Variants in ANKRD33B observed in about 807,000 individuals in gnomAD.
The protein encoded by ANKRD33B is ankyrin repeat domain-containing protein 33B.
Under a neutral mutation model 21.5 loss-of-function variants are expected in ANKRD33B, and 6 were observed. The ratio of observed to expected loss-of-function variants is 0.28; its 90% CI spans 0.15 to 0.55. The LOEUF is 0.55. ANKRD33B is among the 20% of genes least tolerant of loss of function. The pLI, the probability that ANKRD33B is intolerant of heterozygous loss-of-function variation, is 0.94. For missense variants in ANKRD33B, 698 were observed against 747.2 expected, an observed-to-expected ratio of 0.93 and a Z score of 0.77; for synonymous variants, 347 against 342.4, an observed-to-expected ratio of 1.01 and a Z score of -0.15.
intron 2 of ANKRD33B, among the ~76,000 whole-genome samples, chr5:10,621,844 A>G (rs1463706503): frequency 6.6e-6 from 1 of 152,202 alleles, no homozygotes; most frequent in Non-Finnish European, 1.5e-5. Context: ...CCAACTCCCA[A>G]TGTGATGCAT....
Position 10,571,454 on chromosome 5 carries a change from A to G in ANKRD33B, c.366+6621A>G, listed in dbSNP as rs555838306. On this transcript the variant is annotated intron_variant, in intron 1 of 3. Transcript: ENST00000296657. ...TGACCTCAGGTGATTCACCCACCTC[A>G]GCCTCCCAAAGCGCTGGGATTACAG... Among the ~76,000 whole-genome samples the G allele has an allele frequency of 2.4e-4, 37 of 152,196 alleles. 1 individual carries two copies. The East Asian group carries it at 5.2e-3, about 21-fold the overall frequency.
At chr5:10,566,620 G>A (rs1370515373) in intron 1 of ANKRD33B, among the ~76,000 whole-genome samples, 5 of 152,208 alleles carry the variant, frequency 3.3e-5, no homozygotes, top group Admixed American at 6.5e-5. Context: ...TCCTTTAGGG[G>A]CAAAACATAA....
At chr5:10,593,233 C>A (rs55689405) in intron 1 of ANKRD33B, among the ~76,000 whole-genome samples, 54,015 of 151,884 alleles carry the variant, frequency 0.36, 11,037 homozygotes, top group East Asian at 0.6. Context: ...TAATAGGACT[C>A]TCTTTTTTTC....
intron 1 of ANKRD33B, among the ~76,000 whole-genome samples, chr5:10,587,540 C>T: frequency 6.8e-6 from 1 of 146,884 alleles, no homozygotes. Flanking sequence ...TATTATTCTT[C>T]TGATACAATT....
intron 3 of ANKRD33B, among the ~76,000 whole-genome samples, chr5:10,638,465 A>G (rs958950199): frequency 6.6e-6 from 1 of 152,198 alleles, no homozygotes; most frequent in Non-Finnish European, 1.5e-5. Context: ...AGTCCTGTCC[A>G]TATCTGTTCC....
intron 1 of ANKRD33B, among the ~76,000 whole-genome samples, chr5:10,600,026 A>C (rs1735898513): frequency 6.6e-6 from 1 of 152,238 alleles, no homozygotes; most frequent in African/African-American, 2.4e-5. Context: ...TGTGTTTTAA[A>C]TGGTAGCCAT....
At chr5:10,610,414 A>G (rs1174546521) in intron 1 of ANKRD33B, among the ~76,000 whole-genome samples, 1 of 148,026 alleles carries the variant, frequency 6.8e-6, no homozygotes, top group East Asian at 1.9e-4. Context: ...CCCCCCCCGA[A>G]TAAAGAATTA....
At chr5:10,641,134 A>G (rs1737045034) in intron 3 of ANKRD33B, among the ~76,000 whole-genome samples, 1 of 151,466 alleles carries the variant, frequency 6.6e-6, no homozygotes, top group Admixed American at 6.6e-5. Context: ...CAGTGCTTCC[A>G]TTAATGTCAC....
intron 3 of ANKRD33B, 97 bp from the exon 4 acceptor site, chr5:10,649,169 G>C (rs1737259692): frequency 6.9e-7 from 1 of 1,440,372 alleles, no homozygotes; most frequent in Non-Finnish European, 9.1e-7. Flanking sequence ...CCAGGGGTGG[G>C]GGGTGGGGGC....
At chr5:10,581,354 G>C (rs1391643620) in intron 1 of ANKRD33B, among the ~76,000 whole-genome samples, 1 of 152,252 alleles carries the variant, frequency 6.6e-6, no homozygotes, top group African/African-American at 2.4e-5. Context: ...TCCTAGGGGA[G>C]AGCAGCCTGT....
At position 10,655,829 on chromosome 5, in the gene ANKRD33B, G is replaced by A. The variant is rs1737475419; in HGVS notation, c.*5716G>A. The A allele has an allele frequency of 1.3e-5, 2 of 152,464 alleles. No homozygotes were observed. Among genetic ancestry groups the A allele is most frequent in the South Asian group, 4.1e-4 (2 of 4,824 alleles). The allele number at this position is 152,464 out of a possible 1,614,324, so 9.4% of individuals were successfully genotyped here. A position where few individuals can be genotyped will look rare whatever the true frequency, so the allele number is the denominator to read the frequency against. The stretch of plus-strand genomic sequence containing the variant: ...CCCTTTGGAAACACCTGGGGGCCCT[G>A]TTTCTTCCAGCCTGGTCCTTGGTTT... On this transcript the variant is annotated 3_prime_UTR_variant, in exon 4 of 4. Coordinates refer to ENST00000296657, the MANE Select transcript of ANKRD33B (RefSeq NM_001164440.2).
intron 1 of ANKRD33B, among the ~76,000 whole-genome samples, chr5:10,590,736 C>T (rs1038613026): frequency 1.3e-5 from 2 of 152,254 alleles, no homozygotes; most frequent in South Asian, 2.1e-4. Context: ...TGCAAACCCT[C>T]GAGAGTATGA....
At chr5:10,613,758 G>C (rs1223336734) in intron 1 of ANKRD33B, among the ~76,000 whole-genome samples, 1 of 151,778 alleles carries the variant, frequency 6.6e-6, no homozygotes, top group Non-Finnish European at 1.5e-5. Flanking sequence ...AAATTGGCTG[G>C]GCATGGTGGC....
At chr5:10,640,511 T>C (rs1737024401) in intron 3 of ANKRD33B, among the ~76,000 whole-genome samples, 2 of 152,242 alleles carry the variant, frequency 1.3e-5, no homozygotes, top group African/African-American at 2.4e-5. Context: ...TCATCCTTCG[T>C]GCAACCTCAT....
intron 1 of ANKRD33B, among the ~76,000 whole-genome samples, chr5:10,568,269 A>G (rs1735102425): frequency 6.6e-6 from 1 of 152,202 alleles, no homozygotes; most frequent in Admixed American, 6.5e-5. Flanking sequence ...TTCTGGATTT[A>G]TGGTTGTTTT....
At chr5:10,571,289 C>T (rs1367624153) in intron 1 of ANKRD33B, among the ~76,000 whole-genome samples, 1 of 152,130 alleles carries the variant, frequency 6.6e-6, no homozygotes, top group African/African-American at 2.4e-5. Context: ...GCAACCTCCA[C>T]CTCCCGGGTT....
chr5:10,579,992 C>G (rs140081936), intron 1 of ANKRD33B, among the ~76,000 whole-genome samples: 2 of 152,126 alleles, frequency 1.3e-5, no homozygotes, highest in Non-Finnish European at 2.9e-5. Context: ...TTCCCCACCC[C>G]CTCCAGCCCT....
In ANKRD33B at chr5:10,569,040, TTTTA is replaced by T. The variant is rs547717374; in HGVS notation, c.366+4219_366+4222del. Among the ~76,000 whole-genome samples the T allele has an allele frequency of 2.0e-3, 303 of 152,246 alleles. 1 individual carries two copies. The highest frequency in any genetic ancestry group is 6.9e-3 in the African/African-American group (287 of 41,538). ...TATCTTGAAATGTATGTGAGAAAGT[TTTTA>T]TTTATTTATTTTTTTAATACTTCCG... On this transcript the variant is annotated intron_variant, in intron 1 of 3. Transcript: ENST00000296657.
intron 1 of ANKRD33B, among the ~76,000 whole-genome samples, chr5:10,569,864 TTTTG>T (rs1341532558): frequency 2.2e-4 from 33 of 152,002 alleles, no homozygotes; most frequent in Non-Finnish European, 3.2e-4. Flanking sequence ...CCCATGTGTT[TTTTG>T]TTTGTTTGTT....
Sources: allele counts gnomAD v4.1 joint callset (sites outside exome capture counted in the v4.1 genomes callset), GRCh38; gene constraint gnomAD v4.1.1; transcripts MANE v1.5; gene names NCBI Gene and HGNC (gene_info 2026-07-23, HGNC 2026-07-21).